APBA1: variants seen among roughly 807,000 people sequenced by gnomAD.
APBA1 encodes the protein amyloid-beta A4 precursor protein-binding family A member 1.
Under a neutral mutation model 86.6 loss-of-function variants are expected in APBA1, and 55 were observed. The observed-to-expected ratio is 0.64, with a 90% CI of 0.51 to 0.80. APBA1 has a LOEUF of 0.80. APBA1 is among the 30% of genes least tolerant of loss of function. The pLI is 0.00. For synonymous variants in APBA1, 511 were observed against 493.9 expected (o/e 1.03, Z -0.46); for missense variants, 1,090 against 1,183.0 (o/e 0.92, Z 1.15).
chr9:69,598,556 G>GGGT (rs1231876876), intron 1 of APBA1, among the ~76,000 whole-genome samples: 7 of 152,144 alleles, frequency 4.6e-5, no homozygotes, highest in Non-Finnish European at 1.5e-5. Context: ...TTTAAGGTGG[G>GGGT]GGTGGTGGTG....
chr9:69,571,662 A>C (rs959722287), intron 1 of APBA1, among the ~76,000 whole-genome samples: 6 of 152,186 alleles, frequency 3.9e-5, no homozygotes, highest in Non-Finnish European at 8.8e-5. Flanking sequence ...ACAATGGAAA[A>C]AGTTCTAAAT....
intron 1 of APBA1, among the ~76,000 whole-genome samples, chr9:69,557,439 A>C (rs57512468): frequency 0.061 from 9,352 of 152,312 alleles, 351 homozygotes; most frequent in African/African-American, 0.094. Context: ...TGAATAACCC[A>C]AAATTCATCA....
intron 1 of APBA1, among the ~76,000 whole-genome samples, chr9:69,632,346 C>A (rs1015433815): frequency 6.6e-6 from 1 of 152,110 alleles, no homozygotes; most frequent in African/African-American, 2.4e-5. Context: ...TTCCCTCCCC[C>A]AAAGGTGTCT....
intron 1 of APBA1, among the ~76,000 whole-genome samples, chr9:69,545,477 G>A (rs1056162066): frequency 2.6e-5 from 4 of 152,154 alleles, no homozygotes; most frequent in Non-Finnish European, 5.9e-5. Flanking sequence ...ACTTGAAACT[G>A]AAAATTCTAG....
intron 11 of APBA1, among the ~76,000 whole-genome samples, chr9:69,435,730 T>C (rs1162086197): frequency 6.6e-6 from 1 of 152,194 alleles, no homozygotes; most frequent in East Asian, 1.9e-4. Context: ...ATTTTCTCCC[T>C]TTCTGTAGGT....
chr9:69,471,602 T>C, intron 4 of APBA1, 54 bp downstream of exon 4: 1 of 1,457,030 alleles, frequency 6.9e-7, no homozygotes, highest in Non-Finnish European at 9.6e-7. Flanking sequence ...TATGCCCCAA[T>C]GCTAAAAGAT....
intron 1 of APBA1, among the ~76,000 whole-genome samples, chr9:69,532,562 C>T (rs1836450061): frequency 6.6e-6 from 1 of 152,234 alleles, no homozygotes. Context: ...CACAAAGTGC[C>T]TGCTCATGCA....
chr9:69,498,854 G>T (rs988201622), intron 2 of APBA1, among the ~76,000 whole-genome samples: 11 of 152,088 alleles, frequency 7.2e-5, no homozygotes, highest in African/African-American at 2.7e-4. Flanking sequence ...GAAACACAAA[G>T]GTATCAGCAG....
intron 1 of APBA1, among the ~76,000 whole-genome samples, chr9:69,524,051 C>G (rs1013889639): frequency 6.6e-6 from 1 of 152,044 alleles, no homozygotes; most frequent in Non-Finnish European, 1.5e-5. Context: ...AAGAGAGACA[C>G]AGATACCAAA....
intron 11 of APBA1, among the ~76,000 whole-genome samples, chr9:69,437,409 G>C (rs1050222690): frequency 1.4e-5 from 2 of 139,288 alleles, no homozygotes; most frequent in African/African-American, 5.6e-5. Context: ...TCTGGTCCTG[G>C]ACTCTTTTTG....
At chr9:69,505,032 T>A (rs566841835) in intron 2 of APBA1, among the ~76,000 whole-genome samples, 2 of 152,134 alleles carry the variant, frequency 1.3e-5, no homozygotes, top group African/African-American at 2.4e-5. Context: ...ACCGCACACA[T>A]CCTCACAAAC....
intron 11 of APBA1, among the ~76,000 whole-genome samples, chr9:69,434,796 TTTA>T (rs1032081894): frequency 2.6e-5 from 4 of 152,136 alleles, no homozygotes; most frequent in Non-Finnish European, 4.4e-5. Context: ...CTTTAACGTT[TTTA>T]TTATTATTAG....
intron 1 of APBA1, among the ~76,000 whole-genome samples, chr9:69,586,759 T>C (rs1233956496): frequency 6.6e-6 from 1 of 152,164 alleles, no homozygotes; most frequent in African/African-American, 2.4e-5. Flanking sequence ...ATCTGCATTT[T>C]CTAAGAACTC....
chr9:69,576,837 C>G (rs1266883313), intron 1 of APBA1, among the ~76,000 whole-genome samples: 1 of 151,740 alleles, frequency 6.6e-6, no homozygotes, highest in Non-Finnish European at 1.5e-5. Context: ...GCACATGTAC[C>G]CTAAAACTTA....
chr9:69,547,141 A>C (rs1836711045), intron 1 of APBA1, among the ~76,000 whole-genome samples: 1 of 152,240 alleles, frequency 6.6e-6, no homozygotes, highest in African/African-American at 2.4e-5. Flanking sequence ...GCTTAAGAAC[A>C]GGGCAACCCC....
chr9:69,516,024 G>T lies in APBA1; in HGVS notation c.1187C>A (p.Pro396Gln), dbSNP rs371819910. 9.6e-5 allele frequency: 152 copies of T among 1,575,238 alleles called. 1 individual carries two copies. Among genetic ancestry groups the T allele is most frequent in the Non-Finnish European group, 1.3e-4 (148 of 1,157,008 alleles). ...SPTRDCDDQR[P>Q]MDGDSPSPGS... ...GCACCTACTTACATCTCCGTCCATC[G>T]GCCTCTGGTCGTCACAGTCCCTGGT... The change falls in exon 2 of 13, where the codon CCG becomes CAG. Residue 396 changes from proline (P) to glutamine (Q), a missense_variant. Pro to Gln is a moderately conservative substitution (Grantham distance 76, BLOSUM62 -1). Around this residue, in one of 6 missense-constraint regions of APBA1, gnomAD observed 678 missense variants for 647.1 expected, o/e 1.05. Transcript: ENST00000265381. This position sits in a 1 kb window ranked among gnomAD's most constrained non-coding sequence, Gnocchi z 7.3.
intron 4 of APBA1, among the ~76,000 whole-genome samples, chr9:69,469,028 T>C (rs1436955534): frequency 6.6e-6 from 1 of 151,854 alleles, no homozygotes; most frequent in East Asian, 1.9e-4. Context: ...GCCCAACTAA[T>C]TTTTGTAGTT....
intron 1 of APBA1, among the ~76,000 whole-genome samples, chr9:69,597,384 T>G (rs930824532): frequency 6.6e-6 from 1 of 152,214 alleles, no homozygotes; most frequent in African/African-American, 2.4e-5. Context: ...GTAAATTTGT[T>G]TGAGTTCATT....
intron 10 of APBA1, among the ~76,000 whole-genome samples, chr9:69,443,627 T>C (rs1230803424): frequency 6.6e-6 from 1 of 152,210 alleles, no homozygotes; most frequent in Non-Finnish European, 1.5e-5. Flanking sequence ...CACTCACTGT[T>C]ATCTGGCATT....
Sources: gnomAD v4.1 joint callset for allele counts (sites outside exome capture counted in the v4.1 genomes callset) on GRCh38, gnomAD v4.1.1 for gene constraint, gnomAD v4.1.1 regional missense constraint, Gnocchi (gnomAD v3.1) non-coding constraint, MANE v1.5 for transcripts, NCBI Gene and HGNC (gene_info 2026-07-23, HGNC 2026-07-21) for gene names.